CAMSAP1: variants seen among roughly 807,000 people sequenced by gnomAD.
The protein encoded by CAMSAP1 is calmodulin-regulated spectrin-associated protein 1.
CAMSAP1 carries 58 observed loss-of-function variants against 143.5 expected under a neutral mutation model. That is an observed-to-expected ratio of 0.40 (90% CI 0.33 to 0.50). CAMSAP1 has a LOEUF of 0.50. Among genes scored for constraint, CAMSAP1 ranks in the 20% least tolerant of loss-of-function variants. The pLI, the probability that CAMSAP1 is intolerant of heterozygous loss-of-function variation, is 0.45. For missense variants in CAMSAP1, 1,969 were observed against 2,115.7 expected, an observed-to-expected ratio of 0.93 and a Z score of 1.36; for synonymous variants, 945 against 859.3, an observed-to-expected ratio of 1.10 and a Z score of -1.74.
In CAMSAP1 at chr9:135,907,299, G is replaced by A. The variant is rs1838815994; in HGVS notation, c.-140C>T. 2.6e-6 allele frequency: 1 copy of A among 386,142 alleles called. No individual in the cohort carries two copies. Among genetic ancestry groups the A allele is most frequent in the Non-Finnish European group, 3.5e-6 (1 of 284,198 alleles). The allele number at this position is 386,142 out of a possible 1,614,324, so 23.9% of individuals were successfully genotyped here. ...GGAGGGGCGCCCGAGCGCGGCCCCC[G>A]CCTCACCTCACAGCCGCCGCCGTCG... On this transcript the variant is annotated 5_prime_UTR_variant, in exon 1 of 17. Coordinates refer to ENST00000389532, the MANE Select transcript of CAMSAP1 (RefSeq NM_015447.4).
intron 7 of CAMSAP1, among the ~76,000 whole-genome samples, chr9:135,846,583 T>G (rs1227540208): frequency 3.4e-5 from 5 of 146,546 alleles, no homozygotes; most frequent in Non-Finnish European, 5.9e-5. Flanking sequence ...ATCATCAGAG[T>G]GAACAGGCAA....
At position 135,822,802 on chromosome 9, in the gene CAMSAP1, G is replaced by A. The variant is rs756052830; in HGVS notation, c.1859C>T (p.Pro620Leu). The A allele has an allele frequency of 2.0e-5, 33 of 1,613,714 alleles. No individual in the cohort carries two copies. Among genetic ancestry groups the A allele is most frequent in the Admixed American group, 3.3e-5 (2 of 59,994 alleles). ...TKEDERGEGR[P>L]RSIVSRRPSE... ...GGGCCTCCTAGACACGATGCTCCTC[G>A]GTCTCCCTTCCCCCCGTTCATCCTC... Residue 620 changes from proline to leucine, a missense_variant, in exon 11 of 17, where the codon CCG becomes CTG. Transcript: ENST00000389532. The surrounding 1 kb of genome is among the most constrained non-coding windows in gnomAD (Gnocchi z 6.1).
intron 16 of CAMSAP1, 135 bp downstream of exon 16, chr9:135,814,962 T>C: frequency 1.4e-6 from 1 of 691,990 alleles, no homozygotes; most frequent in Non-Finnish European, 2.4e-6. Flanking sequence ...TGGAACGGCC[T>C]CTTCCTTGAA....
Position 135,822,813 on chromosome 9 carries a change from C to T in CAMSAP1, c.1848G>A (p.Gly616=). 6.2e-7 allele frequency: 1 copy of T among 1,613,980 alleles called. No homozygotes were observed. The change falls in exon 11 of 17, where the codon GGG becomes GGA. Residue 616 remains glycine, a synonymous_variant. Transcript: ENST00000389532. This position sits in a 1 kb window ranked among gnomAD's most constrained non-coding sequence, Gnocchi z 6.1. ...ACACGATGCTCCTCGGTCTCCCTTCCCCCCGTTCATCCTCCTTGGTGATCA... is the reference window on the plus strand; with the variant it reads ...ACACGATGCTCCTCGGTCTCCCTTCTCCCCGTTCATCCTCCTTGGTGATCA... The part of the protein sequence containing the change: ...KQVITKEDER[G]EGRPRSIVSR...
intron 3 of CAMSAP1, among the ~76,000 whole-genome samples, chr9:135,881,277 G>A (rs1488519742): frequency 6.6e-6 from 1 of 151,852 alleles, no homozygotes; most frequent in Non-Finnish European, 1.5e-5. Context: ...GGATCACTTG[G>A]AGCCTGGGAG....
chr9:135,871,639 A>G (rs1334904016), intron 3 of CAMSAP1, among the ~76,000 whole-genome samples: 7 of 152,180 alleles, frequency 4.6e-5, no homozygotes, highest in Admixed American at 4.6e-4. Context: ...AATTTTCTTT[A>G]CAAGTTCAGC....
At chr9:135,860,148 G>C (rs1837131874) in intron 5 of CAMSAP1, among the ~76,000 whole-genome samples, 1 of 152,054 alleles carries the variant, frequency 6.6e-6, no homozygotes, top group African/African-American at 2.4e-5. Context: ...CTGAGCCTGA[G>C]AAGTCCAGAG....
chr9:135,857,730 G>C (rs1429627647), intron 5 of CAMSAP1, among the ~76,000 whole-genome samples: 2 of 152,206 alleles, frequency 1.3e-5, no homozygotes, highest in African/African-American at 4.8e-5. Context: ...CTGCAGAGAA[G>C]AATCCTTCCC....
At chr9:135,817,752 C>A in intron 14 of CAMSAP1, 3 of 516,922 alleles carry the variant, frequency 5.8e-6, no homozygotes, top group Non-Finnish European at 1.1e-5. Context: ...GGGTGGGGGA[C>A]AGGGGAGGGT....
chr9:135,865,196 TA>T (rs1167242044), intron 4 of CAMSAP1: 6 of 826,130 alleles, frequency 7.3e-6, no homozygotes, highest in Non-Finnish European at 1.2e-5. Flanking sequence ...TTGTACTATA[TA>T]AATAACTCCA....
chr9:135,893,932 G>C (rs891236274), intron 1 of CAMSAP1, among the ~76,000 whole-genome samples: 1 of 152,198 alleles, frequency 6.6e-6, no homozygotes, highest in Non-Finnish European at 1.5e-5. Flanking sequence ...AGGTGGAAGA[G>C]GAAAGCAAAC....
intron 1 of CAMSAP1, among the ~76,000 whole-genome samples, chr9:135,903,304 G>A: frequency 6.6e-6 from 1 of 152,222 alleles, no homozygotes; most frequent in East Asian, 1.9e-4. Flanking sequence ...TTTTTAAGCG[G>A]ACAATTTTCA....
At chr9:135,853,515 G>C (rs776885896) in intron 5 of CAMSAP1, among the ~76,000 whole-genome samples, 1 of 152,212 alleles carries the variant, frequency 6.6e-6, no homozygotes, top group Non-Finnish European at 1.5e-5. Context: ...CAAGTTTTCA[G>C]AACAATCTGG....
chr9:135,842,367 C>T (rs555854169), intron 7 of CAMSAP1, among the ~76,000 whole-genome samples: 40 of 152,208 alleles, frequency 2.6e-4, no homozygotes, highest in Non-Finnish European at 5.1e-4. Context: ...CCCAAACCTA[C>T]GTTTGACTGA....
At chr9:135,884,775 A>T (rs1363043078) in intron 1 of CAMSAP1, among the ~76,000 whole-genome samples, 2 of 152,200 alleles carry the variant, frequency 1.3e-5, no homozygotes, top group Non-Finnish European at 2.9e-5. Flanking sequence ...TGCTCAAGGA[A>T]AGCTGACCTG....
At chr9:135,886,261 C>T (rs1159837110) in intron 1 of CAMSAP1, among the ~76,000 whole-genome samples, 2 of 152,126 alleles carry the variant, frequency 1.3e-5, no homozygotes, top group South Asian at 2.1e-4. Context: ...GGCTGAGCCT[C>T]GTAAGACAAC....
intron 3 of CAMSAP1, among the ~76,000 whole-genome samples, chr9:135,872,918 T>A (rs558995489): frequency 1.1e-4 from 17 of 152,294 alleles, no homozygotes; most frequent in Admixed American, 1.0e-3. Flanking sequence ...TCCACCCTCC[T>A]CTCAGATTAA....
chr9:135,883,165 CACTGT>C, intron 1 of CAMSAP1, 87 bp from the exon 2 acceptor site: 2 of 1,419,680 alleles, frequency 1.4e-6, no homozygotes, highest in Non-Finnish European at 1.9e-6. Flanking sequence ...ATGACTGTGC[CACTGT>C]ACTCCAGCCT....
intron 7 of CAMSAP1, among the ~76,000 whole-genome samples, chr9:135,842,849 GA>G (rs1277768689): frequency 6.6e-6 from 1 of 152,160 alleles, no homozygotes; most frequent in African/African-American, 2.4e-5. Context: ...ACTAAACATG[GA>G]AAGGAAAAAC....
Sources: gnomAD v4.1 joint callset for allele counts (sites outside exome capture counted in the v4.1 genomes callset) on GRCh38, gnomAD v4.1.1 for gene constraint, Gnocchi (gnomAD v3.1) non-coding constraint, MANE v1.5 for transcripts, NCBI Gene and HGNC (gene_info 2026-07-23, HGNC 2026-07-21) for gene names.